ANAPC10: variants seen among roughly 807,000 people sequenced by gnomAD.
The protein encoded by ANAPC10 is anaphase-promoting complex subunit 10.
Under a neutral mutation model 22.0 loss-of-function variants are expected in ANAPC10, and 12 were observed. That is an observed-to-expected ratio of 0.55 (90% CI 0.35 to 0.88). The LOEUF is 0.88. Ranked by LOEUF, ANAPC10 falls within the 40% of genes least tolerant of loss-of-function variation. The pLI, the probability that ANAPC10 is intolerant of heterozygous loss-of-function variation, is 0.01. For missense variants in ANAPC10, 188 were observed against 220.9 expected (o/e 0.85, Z 0.94); for synonymous variants, 65 against 69.5 (o/e 0.94, Z 0.32).
intron 2 of ANAPC10, among the ~76,000 whole-genome samples, chr4:145,088,173 T>C (rs1160130910): frequency 6.6e-6 from 1 of 152,188 alleles, no homozygotes; most frequent in African/African-American, 2.4e-5. Flanking sequence ...CACTTCTTAG[T>C]ATCCTTTGTT....
At chr4:145,018,431 T>C (rs1735525978) in intron 4 of ANAPC10, among the ~76,000 whole-genome samples, 1 of 151,756 alleles carries the variant, frequency 6.6e-6, no homozygotes, top group Admixed American at 6.6e-5. Context: ...GTCAGGAATT[T>C]GAAACCAGCC....
intron 4 of ANAPC10, among the ~76,000 whole-genome samples, chr4:145,005,243 T>C (rs1733161043): frequency 6.6e-6 from 1 of 152,158 alleles, no homozygotes; most frequent in Non-Finnish European, 1.5e-5. Context: ...TTCTAGGTTT[T>C]CTAGCTTATG....
intron 4 of ANAPC10, among the ~76,000 whole-genome samples, chr4:145,052,011 G>A (rs1741175027): frequency 1.3e-5 from 2 of 152,030 alleles, no homozygotes; most frequent in South Asian, 4.1e-4. Context: ...TTAAAAAATT[G>A]GAGTGAAAAA....
intron 4 of ANAPC10, 38 bp downstream of exon 4, chr4:145,064,534 T>TA: frequency 6.4e-7 from 1 of 1,551,602 alleles, no homozygotes. Flanking sequence ...GAGTAAAAGT[T>TA]AAAGGATGAC....
chr4:145,094,345 A>G lies in ANAPC10; in HGVS notation c.115+1640T>C, dbSNP rs891556615. 5.9e-5 allele frequency among the ~76,000 whole-genome samples: 9 copies of G among 152,316 alleles called. No individual in the cohort carries two copies. The East Asian group carries it at 1.5e-3, about 26-fold the overall frequency. On this transcript the variant is annotated intron_variant, in intron 2 of 4. Transcript: ENST00000507656. Reference sequence around the variant, plus strand: ...CTTGGAAAGGCCCAGAAGACTGACCATAAAGAGACATGAGGGAACTTTGTG... The same window carrying G: ...CTTGGAAAGGCCCAGAAGACTGACCGTAAAGAGACATGAGGGAACTTTGTG...
In ANAPC10 at chr4:145,034,715, G is replaced by T. The variant is rs560927523; in HGVS notation, c.327+29857C>A. ...TAAGAGAAACCTGACTAATACAGAT[G>T]GTGATGCAGGTTCGACCCAGGGGAC... On this transcript the variant is annotated intron_variant, in intron 4 of 4. Transcript: ENST00000507656. Among the ~76,000 whole-genome samples, 11 of 151,824 alleles carry T rather than the reference G, an allele frequency of 7.2e-5. No homozygotes were observed. In the South Asian group the frequency reaches 2.3e-3, roughly 32 times the overall value.
chr4:145,041,188 A>G (rs1384114359), intron 4 of ANAPC10, among the ~76,000 whole-genome samples: 2 of 152,234 alleles, frequency 1.3e-5, no homozygotes, highest in Non-Finnish European at 2.9e-5. Context: ...AAAAGTGTTT[A>G]GCTAAATCTA....
At chr4:145,059,482 C>T (rs1742557912) in intron 4 of ANAPC10, among the ~76,000 whole-genome samples, 1 of 152,058 alleles carries the variant, frequency 6.6e-6, no homozygotes, top group Admixed American at 6.5e-5. Flanking sequence ...GCTTAAAATT[C>T]ACTTAAGCAC....
intron 4 of ANAPC10, among the ~76,000 whole-genome samples, chr4:145,003,856 G>C (rs1219754719): frequency 6.6e-6 from 1 of 152,096 alleles, no homozygotes; most frequent in East Asian, 1.9e-4. Flanking sequence ...TTTCAAAACA[G>C]GTTTTTCCAA....
chr4:145,056,549 C>G (rs540883965), intron 4 of ANAPC10, among the ~76,000 whole-genome samples: 5 of 152,148 alleles, frequency 3.3e-5, no homozygotes, highest in Non-Finnish European at 7.3e-5. Flanking sequence ...TAAGAACCCC[C>G]TCTTGGGGTC....
At chr4:145,007,380 T>C (rs1172912218) in intron 4 of ANAPC10, among the ~76,000 whole-genome samples, 1 of 152,010 alleles carries the variant, frequency 6.6e-6, no homozygotes, top group Non-Finnish European at 1.5e-5. Flanking sequence ...ATTGACCACA[T>C]AGTTGGAAGT....
intron 4 of ANAPC10, among the ~76,000 whole-genome samples, chr4:145,039,502 A>G (rs896597466): frequency 1.3e-5 from 2 of 152,152 alleles, no homozygotes; most frequent in African/African-American, 4.8e-5. Flanking sequence ...ATAACAATAA[A>G]CATTTTGGAA....
chr4:145,007,304 T>C (rs544814868), intron 4 of ANAPC10, among the ~76,000 whole-genome samples: 5 of 152,088 alleles, frequency 3.3e-5, no homozygotes, highest in East Asian at 3.9e-4. Context: ...TAGACATCCA[T>C]AGAACTCTCC....
chr4:145,073,842 T>C (rs568102072), intron 3 of ANAPC10, among the ~76,000 whole-genome samples: 15 of 152,150 alleles, frequency 9.9e-5, no homozygotes, highest in African/African-American at 3.4e-4. Flanking sequence ...TATAATGTTA[T>C]TACCATGATA....
At chr4:145,030,246 A>C (rs987465850) in intron 4 of ANAPC10, among the ~76,000 whole-genome samples, 5 of 152,208 alleles carry the variant, frequency 3.3e-5, no homozygotes, top group African/African-American at 1.2e-4. Context: ...AAAACAGAGA[A>C]TCACAGCCTC....
rs773227799 is a variant in ANAPC10 at position 145,095,965 on chromosome 4, TTTTG to T, written c.115+16_115+19del. 1 of 1,613,982 alleles carries T rather than the reference TTTTG, an allele frequency of 6.2e-7. No individual in the cohort carries two copies. The highest frequency in any genetic ancestry group is 1.7e-5 in the Admixed American group (1 of 60,020). ...TGCAAGTGACTATTTCCAACAGCTT[TTTTG>T]TTTGTTAGTTTTTACCTGGTTTGCA... On this transcript the variant is annotated intron_variant, in intron 2 of 4. Coordinates refer to ENST00000507656, the MANE Select transcript of ANAPC10 (RefSeq NM_001256706.2).
chr4:145,082,218 C>T lies in ANAPC10; in HGVS notation c.116-468G>A, dbSNP rs34543234. Among the ~76,000 whole-genome samples, 66 of 152,344 alleles carry T rather than the reference C, an allele frequency of 4.3e-4. 1 individual carries two copies. The highest frequency in any genetic ancestry group is 1.5e-3 in the African/African-American group (63 of 41,586). On this transcript the variant is annotated intron_variant, in intron 2 of 4. Transcript: ENST00000507656. ...AAGCTGGAGTGCAATGGCACAATCT[C>T]GGCTCATTGCAACCTCCGCCTCCCG...
intron 4 of ANAPC10, among the ~76,000 whole-genome samples, chr4:145,048,909 G>C (rs1179422700): frequency 1.3e-5 from 2 of 152,088 alleles, no homozygotes; most frequent in Non-Finnish European, 2.9e-5. Context: ...AAGTTTTAAA[G>C]TTTTAGCAAT....
intron 2 of ANAPC10, among the ~76,000 whole-genome samples, chr4:145,088,009 C>G (rs1410701787): frequency 1.3e-5 from 2 of 152,146 alleles, no homozygotes; most frequent in East Asian, 1.9e-4. Context: ...GATCGCACCA[C>G]TGCACTCCAG....
Sources: allele counts gnomAD v4.1 joint callset (sites outside exome capture counted in the v4.1 genomes callset), GRCh38; gene constraint gnomAD v4.1.1; transcripts MANE v1.5; gene names NCBI Gene and HGNC (gene_info 2026-07-23, HGNC 2026-07-21).